BRINP3: variants seen among roughly 807,000 people sequenced by gnomAD.
BRINP3 encodes the protein BMP/retinoic acid inducible neural specific 3.
BRINP3 carries 19 observed loss-of-function variants against 71.0 expected under a neutral mutation model. The ratio of observed to expected loss-of-function variants is 0.27; its 90% CI spans 0.19 to 0.39. The LOEUF (loss-of-function observed/expected upper bound fraction) is 0.39, where lower values mean the gene tolerates loss of function less well. BRINP3 is among the 10% of genes least tolerant of loss of function. The probability of loss-of-function intolerance (pLI) is 1.00; values close to 1 mark genes in which losing one functional copy is unlikely to be tolerated. For missense variants in BRINP3, 959 were observed against 940.8 expected, an observed-to-expected ratio of 1.02 and a Z score of -0.25; for synonymous variants, 380 against 337.7, an observed-to-expected ratio of 1.13 and a Z score of -1.37.
chr1:190,233,864 T>C (rs973009369), intron 5 of BRINP3, among the ~76,000 whole-genome samples: 1 of 152,190 alleles, frequency 6.6e-6, no homozygotes, highest in African/African-American at 2.4e-5. Flanking sequence ...TTTTATAAAA[T>C]CTATCTTTAA....
chr1:190,427,582 T>C (rs1206030111), intron 2 of BRINP3, among the ~76,000 whole-genome samples: 1 of 152,004 alleles, frequency 6.6e-6, no homozygotes, highest in Non-Finnish European at 1.5e-5. Context: ...TGTTTATTAA[T>C]TAATGAGTAT....
intron 2 of BRINP3, among the ~76,000 whole-genome samples, chr1:190,421,291 CATTATTATT>C (rs78369563): frequency 2.2e-4 from 29 of 132,060 alleles, no homozygotes; most frequent in African/African-American, 5.0e-4. Context: ...ACAAGATTCT[CATTATTATT>C]ATTATTATTA....
At chr1:190,350,822 GT>G (rs35410824) in intron 2 of BRINP3, among the ~76,000 whole-genome samples, 90,539 of 133,012 alleles carry the variant, frequency 0.68, 30,143 homozygotes, top group East Asian at 0.74. Flanking sequence ...AGTTCACCTT[GT>G]TTTTTTTTTT....
intron 2 of BRINP3, among the ~76,000 whole-genome samples, chr1:190,422,263 T>C (rs781017815): frequency 2.6e-5 from 4 of 151,852 alleles, no homozygotes; most frequent in Admixed American, 1.3e-4. Context: ...TATTAATGAA[T>C]ACATACTCTT....
intron 2 of BRINP3, among the ~76,000 whole-genome samples, chr1:190,297,344 T>C (rs1193703031): frequency 6.6e-6 from 1 of 151,928 alleles, no homozygotes; most frequent in African/African-American, 2.4e-5. Flanking sequence ...AATTGGACCT[T>C]TGTCTCATAC....
chr1:190,299,404 T>C (rs1304393939), intron 2 of BRINP3, among the ~76,000 whole-genome samples: 1 of 151,110 alleles, frequency 6.6e-6, no homozygotes, highest in Admixed American at 6.6e-5. Flanking sequence ...ACTTGAATAG[T>C]TTTTTTTCCT....
intron 7 of BRINP3, among the ~76,000 whole-genome samples, chr1:190,159,319 A>G (rs1224902899): frequency 6.6e-6 from 1 of 152,100 alleles, no homozygotes; most frequent in Non-Finnish European, 1.5e-5. Flanking sequence ...GTAGCTTCTC[A>G]AAATGTTAAA....
intron 2 of BRINP3, among the ~76,000 whole-genome samples, chr1:190,332,761 G>A (rs74396575): frequency 7.4e-4 from 113 of 152,094 alleles, no homozygotes; most frequent in African/African-American, 2.7e-3. Context: ...AAGGGCAGTT[G>A]TTAAGAACAA....
intron 2 of BRINP3, among the ~76,000 whole-genome samples, chr1:190,312,696 T>C (rs1010515440): frequency 2.6e-5 from 4 of 151,830 alleles, no homozygotes; most frequent in Non-Finnish European, 5.9e-5. Flanking sequence ...ATTTCTTAAA[T>C]TAAAGTTCCA....
intron 7 of BRINP3, among the ~76,000 whole-genome samples, chr1:190,115,500 T>C (rs1033165244): frequency 1.3e-5 from 2 of 152,178 alleles, no homozygotes; most frequent in Admixed American, 1.3e-4. Flanking sequence ...ATGTTTCTCA[T>C]CTATAAATTG....
intron 2 of BRINP3, among the ~76,000 whole-genome samples, chr1:190,418,322 A>T (rs866943965): frequency 9.2e-5 from 14 of 152,212 alleles, no homozygotes; most frequent in African/African-American, 3.4e-4. Context: ...AACTGCTGGG[A>T]CTACAGGTAT....
chr1:190,469,577 A>C (rs912858170), intron 1 of BRINP3, among the ~76,000 whole-genome samples: 2 of 151,030 alleles, frequency 1.3e-5, no homozygotes, highest in Non-Finnish European at 3.0e-5. Context: ...ATGTCTGAAA[A>C]AAACAGTATT....
At chr1:190,290,254 T>G (rs1162685849) in intron 2 of BRINP3, among the ~76,000 whole-genome samples, 1 of 152,082 alleles carries the variant, frequency 6.6e-6, no homozygotes, top group African/African-American at 2.4e-5. Flanking sequence ...ATATCTAAAA[T>G]ATATGTTTGG....
chr1:190,288,044 C>T lies in BRINP3; in HGVS notation c.237-6294G>A, dbSNP rs548661845. On this transcript the variant is annotated intron_variant, in intron 2 of 7. Transcript: ENST00000367462. Reference sequence around the variant, plus strand: ...TTGAACACTTGTTAGCAAAAGCTTTCTGTAAAAACATACAAACATGCTGTT... The same window carrying T: ...TTGAACACTTGTTAGCAAAAGCTTTTTGTAAAAACATACAAACATGCTGTT... Among the ~76,000 whole-genome samples, 16 of 152,110 alleles carry T rather than the reference C, an allele frequency of 1.1e-4. No homozygotes were observed. In the South Asian group the frequency reaches 3.1e-3, roughly 30 times the overall value.
intron 2 of BRINP3, among the ~76,000 whole-genome samples, chr1:190,379,637 G>A (rs1670395076): frequency 6.6e-6 from 1 of 152,188 alleles, no homozygotes; most frequent in Non-Finnish European, 1.5e-5. Context: ...TAGCAGGGGA[G>A]AGAAGAATGG....
chr1:190,453,201 G>GTTTTTTTTTTTTTT (rs745819844), intron 2 of BRINP3, among the ~76,000 whole-genome samples: 4 of 37,842 alleles, frequency 1.1e-4, no homozygotes, highest in Non-Finnish European at 1.8e-4. Flanking sequence ...AAAAACTTTA[G>GTTTTTTTTTTTTTT]TATTTTTTTT....
intron 3 of BRINP3, among the ~76,000 whole-genome samples, chr1:190,272,591 T>C (rs1662203743): frequency 6.6e-6 from 1 of 151,506 alleles, no homozygotes; most frequent in Admixed American, 6.6e-5. Context: ...TGAGGAAGTT[T>C]AAATTTTCAT....
intron 1 of BRINP3, among the ~76,000 whole-genome samples, chr1:190,470,332 T>C (rs1320646382): frequency 2.6e-5 from 4 of 151,072 alleles, no homozygotes; most frequent in African/African-American, 9.7e-5. Flanking sequence ...AATTCTTACA[T>C]GGCAGAGAAC....
At chr1:190,327,530 G>A in intron 2 of BRINP3, among the ~76,000 whole-genome samples, 1 of 146,560 alleles carries the variant, frequency 6.8e-6, no homozygotes, top group South Asian at 2.1e-4. Context: ...TCCTATATCT[G>A]ATAAAACAGG....
Sources: allele counts gnomAD v4.1 joint callset (sites outside exome capture counted in the v4.1 genomes callset), GRCh38; gene constraint gnomAD v4.1.1; transcripts MANE v1.5; gene names NCBI Gene and HGNC (gene_info 2026-07-23, HGNC 2026-07-21).